Variants in DHTKD1 observed in about 807,000 individuals in gnomAD.
DHTKD1 encodes dehydrogenase E1 and transketolase domain containing 1, also known as 2-oxoadipate dehydrogenase complex component E1.
A neutral mutation model predicts 101.8 loss-of-function variants in DHTKD1; 78 were observed. That is an observed-to-expected ratio of 0.77 (90% CI 0.64 to 0.93). The LOEUF (loss-of-function observed/expected upper bound fraction) is 0.93. Among genes scored for constraint, DHTKD1 ranks in the 40% least tolerant of loss-of-function variants. DHTKD1 has a pLI of 0.00. For missense variants in DHTKD1, 1,223 were observed against 1,161.7 expected, an observed-to-expected ratio of 1.05 and a Z score of -0.77; for synonymous variants, 462 against 450.3, an observed-to-expected ratio of 1.03 and a Z score of -0.33.
chr10:12,100,343 T>G, intron 9 of DHTKD1, 81 bp downstream of exon 9: 1 of 612,298 alleles, frequency 1.6e-6, no homozygotes. Flanking sequence ...AGTGGTGCGA[T>G]CTCAGCTCAC....
rs115097571 is a variant in DHTKD1, at chr10:12,100,414, A to G, written c.1756+152A>G. The G allele has an allele frequency of 8.0e-3, 3,987 of 500,730 alleles. 125 individuals carry two copies. Among genetic ancestry groups the G allele is most frequent in the African/African-American group, 0.07 (3,417 of 48,788 alleles). The allele number at this position is 500,730 out of a possible 1,614,324, so 31.0% of individuals were successfully genotyped here. A position where few individuals can be genotyped will look rare whatever the true frequency, so the allele number is the denominator to read the frequency against. ...TGCCCCAGCCTCCCAAGTAGGGCGC[A>G]CCACCATGCCCAGCTAATTTTTGTA... is the stretch of plus-strand genomic sequence containing the variant. On this transcript the variant is annotated intron_variant, in intron 9 of 16. Coordinates refer to ENST00000263035, the MANE Select transcript of DHTKD1 (RefSeq NM_018706.7).
chr10:12,081,510 G>C lies in DHTKD1; in HGVS notation c.193G>C (p.Glu65Gln). 6.2e-7 allele frequency: 1 copy of C among 1,614,090 alleles called. No homozygotes were observed. The highest frequency in any genetic ancestry group is 1.7e-5 in the Admixed American group (1 of 59,996). Residue 65 changes from glutamate (E) to glutamine (Q), a missense_variant, in exon 2 of 17, where the codon GAG (glutamate) becomes CAG (glutamine). By Grantham distance (29) the Glu-to-Gln change is conservative. Transcript: ENST00000263035. The stretch of plus-strand genomic sequence containing the variant: ...TGCCAGGTTGGTGACAGTATATTGT[G>C]AGCATGGTCATAAAGCTGCCAAAAT... Reference protein sequence around the residue: ...GLARLVTVYCEHGHKAAKINP... With the variant: ...GLARLVTVYCQHGHKAAKINP...
Position 12,120,807 on chromosome 10 carries a change from C to T in DHTKD1, c.2679C>T (p.Pro893=). 1 of 1,614,116 alleles carries T rather than the reference C, an allele frequency of 6.2e-7. No individual in the cohort carries two copies. Residue 893 remains proline, a synonymous_variant, in exon 17 of 17, where the codon CCC becomes CCT. Coordinates refer to ENST00000263035, the MANE Select transcript of DHTKD1 (RefSeq NM_018706.7). ...TATAGCTCCGTCTGGTGGGCCGGCC[C>T]CCTTTGCCAGTACCCGCTGTAGGAA... ...LACKLRLVGR[P]PLPVPAVGIG... is the part of the protein sequence containing the mutation.
chr10:12,120,747 G>A lies in DHTKD1; in HGVS notation c.2659-40G>A. 1.3e-6 allele frequency: 2 copies of A among 1,560,602 alleles called. 1 individual carries two copies. Among genetic ancestry groups the A allele is most frequent in the South Asian group, 2.2e-5 (2 of 89,938 alleles). On this transcript the variant is annotated intron_variant, in intron 16 of 16. Coordinates refer to ENST00000263035, the MANE Select transcript of DHTKD1 (RefSeq NM_018706.7). ...TGGAACTAAGCAGAGCTCTGATCTA[G>A]TCAAAATGTCATTTTATTTCTTCTC...
chr10:12,074,947 G>A (rs1832703390), intron 1 of DHTKD1, among the ~76,000 whole-genome samples: 2 of 151,984 alleles, frequency 1.3e-5, no homozygotes, highest in Non-Finnish European at 2.9e-5. Context: ...CCAACATGGT[G>A]AAATCCCATC....
At chr10:12,116,736 AC>A (rs1486488369) in intron 13 of DHTKD1, among the ~76,000 whole-genome samples, 1 of 149,974 alleles carries the variant, frequency 6.7e-6, no homozygotes, top group Non-Finnish European at 1.5e-5. Context: ...TGGCTCTGTC[AC>A]CCAGGCTGGA....
chr10:12,095,342 A>G (rs1040241354), intron 7 of DHTKD1, among the ~76,000 whole-genome samples: 5 of 152,218 alleles, frequency 3.3e-5, no homozygotes, highest in African/African-American at 1.2e-4. Context: ...TTTATTAGAT[A>G]TGGAAATGAC....
intron 10 of DHTKD1, among the ~76,000 whole-genome samples, chr10:12,104,380 C>T (rs1029903967): frequency 6.6e-6 from 1 of 152,074 alleles, no homozygotes; most frequent in Non-Finnish European, 1.5e-5. Context: ...GGTCTCGCCA[C>T]ATTGGCCAGG....
intron 12 of DHTKD1, 86 bp downstream of exon 12, chr10:12,108,101 C>T: frequency 6.6e-6 from 6 of 910,978 alleles, no homozygotes; most frequent in Non-Finnish European, 1.1e-5. Flanking sequence ...TAACGCCCAC[C>T]TAACTGTAAC....
intron 14 of DHTKD1, among the ~76,000 whole-genome samples, 173 bp from the exon 15 acceptor site, chr10:12,118,576 G>C (rs1159252481): frequency 6.6e-6 from 1 of 151,788 alleles, no homozygotes. Flanking sequence ...TAGAGACAGG[G>C]TTTCACCGTG....
intron 5 of DHTKD1, 56 bp downstream of exon 5, chr10:12,089,311 TG>T (rs1832954011): frequency 6.4e-7 from 1 of 1,555,286 alleles, no homozygotes; most frequent in Non-Finnish European, 8.8e-7. Context: ...GAAGAATGTG[TG>T]GGTTGGGAGG....
chr10:12,090,442 TC>T (rs370918680), intron 5 of DHTKD1, among the ~76,000 whole-genome samples: 3 of 104,846 alleles, frequency 2.9e-5, no homozygotes, highest in East Asian at 2.6e-4. Context: ...CTTCCTTCCT[TC>T]CTTCCTTCCT....
intron 2 of DHTKD1, among the ~76,000 whole-genome samples, chr10:12,082,073 G>T (rs1327528723): frequency 6.6e-6 from 1 of 151,834 alleles, no homozygotes; most frequent in Non-Finnish European, 1.5e-5. Flanking sequence ...GCTGCAGTGA[G>T]CCTTGATCGT....
chr10:12,083,143 G>A (rs963016291), intron 2 of DHTKD1, among the ~76,000 whole-genome samples: 4 of 150,180 alleles, frequency 2.7e-5, no homozygotes, highest in African/African-American at 9.8e-5. Flanking sequence ...GGGCGACAGA[G>A]CGAGACTCCG....
chr10:12,099,834 T>G (rs1186921693), intron 8 of DHTKD1, among the ~76,000 whole-genome samples: 1 of 138,152 alleles, frequency 7.2e-6, no homozygotes, highest in African/African-American at 2.6e-5. Context: ...TCTTGCTCTG[T>G]CGCCCAGGCT....
At chr10:12,097,486 C>T (rs1833087538) in intron 7 of DHTKD1, among the ~76,000 whole-genome samples, 198 bp from the exon 8 acceptor site, 1 of 152,088 alleles carries the variant, frequency 6.6e-6, no homozygotes, top group African/African-American at 2.4e-5. Flanking sequence ...GTTGGCCAGG[C>T]TGGTCCCGAA....
chr10:12,091,867 C>T (rs560646524), intron 6 of DHTKD1, among the ~76,000 whole-genome samples, 183 bp downstream of exon 6: 11 of 151,952 alleles, frequency 7.2e-5, no homozygotes, highest in Admixed American at 1.3e-4. Context: ...TGCAGCAGCA[C>T]GATCTTGGCT....
intron 1 of DHTKD1, among the ~76,000 whole-genome samples, 185 bp from the exon 2 acceptor site, chr10:12,081,287 A>AAAG (rs1832812131): frequency 6.6e-6 from 1 of 150,588 alleles, no homozygotes; most frequent in African/African-American, 2.4e-5. Context: ...AAAAAAAAAA[A>AAAG]AAAAAAAAGT....
chr10:12,075,430 T>G (rs1414880104), intron 1 of DHTKD1, among the ~76,000 whole-genome samples: 1 of 151,978 alleles, frequency 6.6e-6, no homozygotes, highest in African/African-American at 2.4e-5. Flanking sequence ...TTAGTAGAGA[T>G]GGGGTTTCAG....
Sources: gnomAD v4.1 joint callset for allele counts (sites outside exome capture counted in the v4.1 genomes callset) on GRCh38, gnomAD v4.1.1 for gene constraint, MANE v1.5 for transcripts, NCBI Gene and HGNC (gene_info 2026-07-23, HGNC 2026-07-21) for gene names.